The following BLTP1 variants were observed in gnomAD, a reference collection of about 807,000 sequenced individuals.
The protein encoded by BLTP1 is fragile site-associated protein.
the BLTP1 span, among the ~76,000 whole-genome samples, chr4:122,353,498 T>C: frequency 6.6e-6 from 1 of 152,178 alleles, no homozygotes; most frequent in Non-Finnish European, 1.5e-5. This position sits in a 1 kb window ranked among gnomAD's most constrained non-coding sequence, Gnocchi z 4.3. Flanking sequence ...TTATAAAATA[T>C]ATAGGCAAGG....
the BLTP1 span, chr4:122,336,101 C>T: frequency 2.6e-5 from 26 of 1,015,356 alleles, no homozygotes; most frequent in Admixed American, 1.2e-4. Context: ...ATGTGAGGTA[C>T]TTTGCTTGAT....
chr4:122,220,536 A>T, the BLTP1 span: 3 of 1,335,390 alleles, frequency 2.2e-6, no homozygotes, highest in African/African-American at 3.0e-5. Context: ...GGGTTAAAAC[A>T]ATGTATTAGC....
chr4:122,220,527 G>C, the BLTP1 span: 1 of 1,428,086 alleles, frequency 7.0e-7, no homozygotes, highest in South Asian at 1.2e-5. Context: ...ATATTTATTG[G>C]GTTAAAACAA....
At chr4:122,162,745 ACTGGGAGTAATAAGAAG>A in the BLTP1 span, 1 of 550,808 alleles carries the variant, frequency 1.8e-6, no homozygotes. Flanking sequence ...CAAAAAAAAA[ACTGGGAGTAATAAGAAG>A]AAAAAGGATG....
At chr4:122,189,314 T>A in the BLTP1 span, 1 of 980,076 alleles carries the variant, frequency 1.0e-6, no homozygotes. Flanking sequence ...TATTGTGATG[T>A]ATGTATGACA....
At chr4:122,173,574 G>A in the BLTP1 span, among the ~76,000 whole-genome samples, 1 of 152,112 alleles carries the variant, frequency 6.6e-6, no homozygotes, top group Admixed American at 6.6e-5. Context: ...GTTTTAGAGG[G>A]AACAAACATT....
chr4:122,255,178 A>G, the BLTP1 span: 1 of 1,610,000 alleles, frequency 6.2e-7, no homozygotes, highest in Admixed American at 1.7e-5. Context: ...ACAGGCTTAC[A>G]AAAGTTGCTC....
the BLTP1 span, chr4:122,251,680 C>CA: frequency 1.2e-6 from 1 of 860,276 alleles, no homozygotes; most frequent in South Asian, 5.3e-5. Flanking sequence ...AGATCCTACT[C>CA]TTCTTGCTGA....
the BLTP1 span, chr4:122,235,759 G>A: frequency 1.3e-5 from 2 of 152,286 alleles, no homozygotes; most frequent in East Asian, 3.9e-4. Context: ...GAGAGGAGAT[G>A]GCGCCACTGC....
At chr4:122,260,045 G>A in the BLTP1 span, 125 of 408,698 alleles carry the variant, frequency 3.1e-4, no homozygotes, top group African/African-American at 2.4e-3. Context: ...TAGGCAATTT[G>A]TCATTGTGTA....
the BLTP1 span, chr4:122,198,073 A>G: frequency 1.0e-6 from 1 of 985,240 alleles, no homozygotes; most frequent in African/African-American, 1.7e-5. Flanking sequence ...TGGTTCTGTC[A>G]CTTATTTTGG....
At chr4:122,307,908 T>G in the BLTP1 span, 2 of 1,595,370 alleles carry the variant, frequency 1.3e-6, no homozygotes, top group African/African-American at 2.7e-5. Flanking sequence ...TTTACAGTGT[T>G]GATTTTAATT....
the BLTP1 span, chr4:122,269,531 A>G: frequency 1.0e-6 from 1 of 985,194 alleles, no homozygotes; most frequent in African/African-American, 1.7e-5. Context: ...TTTATTTCTC[A>G]GATCTCCTGT....
At chr4:122,277,560 A>G in the BLTP1 span, 1 of 955,332 alleles carries the variant, frequency 1.0e-6, no homozygotes, top group African/African-American at 1.8e-5. Context: ...GAAAGAGCAA[A>G]AGAAATCAAG....
At chr4:122,275,978 G>T in the BLTP1 span, 2 of 1,559,452 alleles carry the variant, frequency 1.3e-6, no homozygotes, top group African/African-American at 1.4e-5. Context: ...GTAGACTGGA[G>T]GATTTTCCTA....
At chr4:122,348,225 T>C in the BLTP1 span, among the ~76,000 whole-genome samples, 20 of 152,164 alleles carry the variant, frequency 1.3e-4, 1 homozygote, top group Admixed American at 1.3e-3. Context: ...GAGTCCTGTA[T>C]TTGGCAACAG....
chr4:122,246,763 A>T, the BLTP1 span: 5 of 1,613,094 alleles, frequency 3.1e-6, no homozygotes, highest in Non-Finnish European at 4.2e-6. Context: ...ATGTTTCCCT[A>T]GTGGCATTGT....
At chr4:122,278,252 T>C in the BLTP1 span, among the ~76,000 whole-genome samples, 26 of 151,340 alleles carry the variant, frequency 1.7e-4, no homozygotes, top group Non-Finnish European at 3.4e-4. Context: ...ACCAGCCATT[T>C]ATTCCTTCGC....
chr4:122,217,500 G>T, the BLTP1 span, among the ~76,000 whole-genome samples: 1 of 151,404 alleles, frequency 6.6e-6, no homozygotes, highest in Non-Finnish European at 1.5e-5. Flanking sequence ...ATAGGTTTTT[G>T]TTTCTAATTT....
Sources: gnomAD v4.1 joint callset for allele counts (sites outside exome capture counted in the v4.1 genomes callset) on GRCh38, gnomAD v4.1.1 for gene constraint, Gnocchi (gnomAD v3.1) non-coding constraint, MANE v1.5 for transcripts, NCBI Gene and HGNC (gene_info 2026-07-23, HGNC 2026-07-21) for gene names.